Variants in CDH18 observed in about 807,000 individuals in gnomAD.
CDH18 encodes cadherin 18.
A neutral mutation model predicts 67.9 loss-of-function variants in CDH18; 31 were observed. The observed-to-expected ratio is 0.46, with a 90% CI of 0.34 to 0.62. The LOEUF (loss-of-function observed/expected upper bound fraction) is 0.62, where lower values mean the gene tolerates loss of function less well. Among genes scored for constraint, CDH18 ranks in the 20% least tolerant of loss-of-function variants. CDH18 has a pLI of 0.01. For synonymous variants in CDH18, 362 were observed against 347.2 expected (o/e 1.04, Z -0.48); for missense variants, 890 against 975.5 (o/e 0.91, Z 1.17).
chr5:19,683,078 A>G (rs1760561390), intron 5 of CDH18, among the ~76,000 whole-genome samples: 1 of 150,168 alleles, frequency 6.7e-6, no homozygotes, highest in Admixed American at 6.8e-5. Flanking sequence ...TTCAATATAT[A>G]AAATGTTCAA....
At chr5:19,904,311 A>G (rs13177102) in intron 2 of CDH18, among the ~76,000 whole-genome samples, 75,164 of 145,642 alleles carry the variant, frequency 0.52, 19,332 homozygotes, top group Middle Eastern at 0.65. Flanking sequence ...GAAAAGAAAA[A>G]ACGAAAAGAA....
intron 1 of CDH18, among the ~76,000 whole-genome samples, chr5:20,288,905 C>T (rs533000551): frequency 1.1e-4 from 17 of 151,990 alleles, no homozygotes; most frequent in African/African-American, 4.1e-4. Flanking sequence ...CTTCACATTT[C>T]TTAATCTGAA....
intron 11 of CDH18, among the ~76,000 whole-genome samples, chr5:19,497,014 C>T (rs547299412): frequency 3.9e-5 from 6 of 151,936 alleles, no homozygotes; most frequent in Non-Finnish European, 7.4e-5. Context: ...AATTCTCAGT[C>T]TCAGGTATTC....
At chr5:19,959,237 T>C (rs1436968783) in intron 2 of CDH18, among the ~76,000 whole-genome samples, 1 of 151,980 alleles carries the variant, frequency 6.6e-6, no homozygotes, top group Non-Finnish European at 1.5e-5. Context: ...ATATCTTCAT[T>C]AGCTTGTGTG....
chr5:20,512,622 G>A (rs887115130), intron 1 of CDH18, among the ~76,000 whole-genome samples: 1 of 151,960 alleles, frequency 6.6e-6, no homozygotes. Flanking sequence ...GGTGGGTCAC[G>A]CCTATAATCC....
chr5:20,344,265 G>T (rs554071937), intron 1 of CDH18, among the ~76,000 whole-genome samples: 1 of 152,226 alleles, frequency 6.6e-6, no homozygotes, highest in East Asian at 1.9e-4. Context: ...GGTTATTAAT[G>T]CTTGTGAAAT....
chr5:19,833,548 CA>C (rs917631836), intron 3 of CDH18, among the ~76,000 whole-genome samples: 1 of 152,096 alleles, frequency 6.6e-6, no homozygotes, highest in African/African-American at 2.4e-5. Context: ...CCAGAACTTC[CA>C]ATACTATTTT....
At position 19,473,285 on chromosome 5, in the gene CDH18, G is replaced by C. The variant is rs1336038095; in HGVS notation, c.2314C>G (p.Pro772Ala). ...AGTTCAGCTAACTTTTTAAACTCGG[G>C]TCCCCAGTCTCCAAGGTAGTGATAA... ...QDYHYLGDWG[P>A]EFKKLAELYG... The change falls in exon 13 of 13, where the codon CCC (proline) becomes GCC (alanine). Residue 772 changes from proline to alanine, a missense_variant. Physicochemically the swap from Pro to Ala is conservative, Grantham distance 27. This residue lies in a region of CDH18 where 656 missense variants were observed against 668.1 expected (regional missense o/e 0.98). Coordinates refer to ENST00000382275, the MANE Select transcript of CDH18 (RefSeq NM_004934.5). 7 of 1,613,548 alleles carry C rather than the reference G, an allele frequency of 4.3e-6. No individual in the cohort carries two copies. The highest frequency in any genetic ancestry group is 5.9e-6 in the Non-Finnish European group (7 of 1,179,826).
chr5:20,164,690 T>A (rs2126625387), intron 2 of CDH18, among the ~76,000 whole-genome samples: 1 of 152,238 alleles, frequency 6.6e-6, no homozygotes, highest in Non-Finnish European at 1.5e-5. Context: ...GGAAGAAGAA[T>A]CATTCTCAAA....
At chr5:20,205,924 C>T (rs887710658) in intron 2 of CDH18, among the ~76,000 whole-genome samples, 5 of 151,620 alleles carry the variant, frequency 3.3e-5, no homozygotes, top group African/African-American at 1.2e-4. Context: ...AAACAAGTGA[C>T]ACACATTAAG....
chr5:19,920,367 G>A (rs1451676932), intron 2 of CDH18, among the ~76,000 whole-genome samples: 1 of 152,054 alleles, frequency 6.6e-6, no homozygotes, highest in Admixed American at 6.5e-5. Flanking sequence ...GATATGAACA[G>A]ACAACAGTTT....
intron 2 of CDH18, among the ~76,000 whole-genome samples, chr5:20,036,369 ACATC>A (rs1739861664): frequency 6.6e-6 from 1 of 152,018 alleles, no homozygotes; most frequent in South Asian, 2.1e-4. Flanking sequence ...GTCAGATAAT[ACATC>A]CTAAATAAAT....
In CDH18 at chr5:20,044,706, T is replaced by C. The variant is rs1740759225; in HGVS notation, c.-517-52692A>G. ...GAAAATGTAAATCACTGAGCTAGAT[T>C]TATGTAAGCAGTTAAACCATAGAGC... On this transcript the variant is annotated intron_variant, in intron 2 of 14. Transcript: ENST00000507958. 2.0e-5 allele frequency among the ~76,000 whole-genome samples: 3 copies of C among 152,102 alleles called. No homozygotes were observed. The South Asian group carries it at 6.2e-4, about 31-fold the overall frequency.
At chr5:19,581,805 G>A (rs1743298365) in intron 7 of CDH18, among the ~76,000 whole-genome samples, 1 of 150,458 alleles carries the variant, frequency 6.6e-6, no homozygotes, top group Admixed American at 6.6e-5. Context: ...CTTATATTAT[G>A]GTATTTTGTC....
intron 2 of CDH18, among the ~76,000 whole-genome samples, chr5:20,099,944 C>T (rs1366401448): frequency 6.6e-6 from 1 of 151,960 alleles, no homozygotes; most frequent in African/African-American, 2.4e-5. Flanking sequence ...CCACCACGCC[C>T]AGCTCATTCT....
At chr5:19,729,733 T>C (rs1426237037) in intron 4 of CDH18, among the ~76,000 whole-genome samples, 1 of 152,202 alleles carries the variant, frequency 6.6e-6, no homozygotes, top group Admixed American at 6.5e-5. Flanking sequence ...ATTCTCTTCA[T>C]AGTTGTACAG....
rs549729837 is a variant in CDH18, at chr5:20,450,930, T to C, written c.-580+124532A>G. Reference sequence around the variant, plus strand: ...TTACATGGCAGCAGGCAAGAGAGCATGTGCAGGAGAAATATTCTTTATAAA... The same window carrying C: ...TTACATGGCAGCAGGCAAGAGAGCACGTGCAGGAGAAATATTCTTTATAAA... On this transcript the variant is annotated intron_variant, in intron 1 of 14. Transcript: ENST00000507958. 4.6e-5 allele frequency among the ~76,000 whole-genome samples: 7 copies of C among 152,246 alleles called. No individual in the cohort carries two copies. The South Asian group carries it at 1.2e-3, about 27-fold the overall frequency.
intron 1 of CDH18, among the ~76,000 whole-genome samples, chr5:20,501,546 T>TTATATATAATA (rs1754277276): frequency 4.3e-5 from 1 of 23,132 alleles, no homozygotes; most frequent in Non-Finnish European, 1.2e-4. Flanking sequence ...TATATACATA[T>TTATATATAATA]TATATATATA....
At chr5:19,501,450 A>T in intron 11 of CDH18, among the ~76,000 whole-genome samples, 1 of 150,602 alleles carries the variant, frequency 6.6e-6, no homozygotes. Context: ...TGAAAAAAAC[A>T]AACAAACAAG....
Sources: gnomAD v4.1 joint callset for allele counts (sites outside exome capture counted in the v4.1 genomes callset) on GRCh38, gnomAD v4.1.1 for gene constraint, gnomAD v4.1.1 regional missense constraint, MANE v1.5 for transcripts, NCBI Gene and HGNC (gene_info 2026-07-23, HGNC 2026-07-21) for gene names.